PPM1N: variants seen among roughly 807,000 people sequenced by gnomAD.
The protein encoded by PPM1N is protein phosphatase, Mg2+/Mn2+ dependent 1N (putative), also known as probable protein phosphatase 1N.
Under a neutral mutation model 32.6 loss-of-function variants are expected in PPM1N, and 35 were observed. The ratio of observed to expected loss-of-function variants is 1.07; its 90% confidence interval spans 0.82 to 1.43. PPM1N has a LOEUF of 1.43. PPM1N is among the 40% of genes most tolerant of loss of function. The pLI is 0.00. For missense variants in PPM1N, 648 were observed against 606.6 expected, an observed-to-expected ratio of 1.07 and a Z score of -0.72; for synonymous variants, 275 against 270.5, an observed-to-expected ratio of 1.02 and a Z score of -0.16.
chr19:45,499,731 C>T, intron 1 of PPM1N: 1 of 1,539,210 alleles, frequency 6.5e-7, no homozygotes, highest in Non-Finnish European at 8.8e-7. Context: ...AGCAGGTAAA[C>T]ATCAGAGCGG....
Position 45,502,226 on chromosome 19 carries a change from C to A in PPM1N, c.*141C>A. Reference sequence around the variant, plus strand: ...GAACCCAAAATGCTTATTTCTTCTTCTCTTACTTCCCTCTCACAGAAAAGT... The same window carrying A: ...GAACCCAAAATGCTTATTTCTTCTTATCTTACTTCCCTCTCACAGAAAAGT... On this transcript the variant is annotated 3_prime_UTR_variant, in exon 5 of 5. Coordinates refer to ENST00000451287, the MANE Select transcript of PPM1N (RefSeq NM_001080401.2). 2.1e-6 allele frequency: 1 copy of A among 480,914 alleles called. No homozygotes were observed. The allele number at this position is 480,914 out of a possible 1,614,324, so 29.8% of individuals were successfully genotyped here.
chr19:45,501,677 T>A (rs890195707), intron 4 of PPM1N, among the ~76,000 whole-genome samples: 1 of 152,146 alleles, frequency 6.6e-6, no homozygotes, highest in African/African-American at 2.4e-5. Context: ...CGAGTTGGCT[T>A]CATTACCTTT....
In PPM1N at chr19:45,499,101, G is replaced by T. The variant is rs756868017; in HGVS notation, c.629G>T (p.Arg210Leu). The T allele has an allele frequency of 1.8e-4, 278 of 1,514,024 alleles. No individual in the cohort carries two copies. The highest frequency in any genetic ancestry group is 2.2e-4 in the Non-Finnish European group (256 of 1,141,374). 93.8% of individuals were successfully genotyped at this position (1,514,024 alleles called of 1,614,324 possible). A position where few individuals can be genotyped will look rare whatever the true frequency, so the allele number is the denominator to read the frequency against. Reference protein sequence around the residue: ...HRPLRPRERERIHAAGGTIRR... With the variant: ...HRPLRPRERELIHAAGGTIRR... ...CCCCTTCGACCCCGGGAACGCGAGC[G>T]CATCCACGCCGCTGGCGGCACCATC... Residue 210 changes from arginine (R) to leucine (L), a missense_variant, in exon 1 of 5, where the codon CGC becomes CTC. Physicochemically the swap from Arg to Leu is moderately radical, Grantham distance 102 (BLOSUM62 -2). Transcript: ENST00000451287.
intron 4 of PPM1N, 138 bp from the exon 5 acceptor site, chr19:45,501,879 A>C (rs1000306761): frequency 1.2e-5 from 6 of 512,234 alleles, no homozygotes; most frequent in Admixed American, 8.6e-5. Context: ...CTGGGGTCGC[A>C]CTTGGGGTTG....
In PPM1N at chr19:45,502,124, C is replaced by A; in HGVS notation, c.*39C>A. On this transcript the variant is annotated 3_prime_UTR_variant, in exon 5 of 5. Transcript: ENST00000451287. ...TTGGGGATCCTTTGCTTCTCTGGGG[C>A]CTCAACAGAACTAAAGAAGAAAACC... is the stretch of plus-strand genomic sequence containing the variant. 4 of 1,503,980 alleles carry A rather than the reference C, an allele frequency of 2.7e-6. No homozygotes were observed. The highest frequency in any genetic ancestry group is 2.7e-6 in the Non-Finnish European group (3 of 1,091,862). The allele number at this position is 1,503,980 out of a possible 1,614,324, so 93.2% of individuals were successfully genotyped here. A position where few individuals can be genotyped will look rare whatever the true frequency, so the allele number is the denominator to read the frequency against.
At position 45,499,005 on chromosome 19, in the gene PPM1N, C is replaced by A; in HGVS notation, c.533C>A (p.Ala178Glu). The change falls in exon 1 of 5, where the codon GCG becomes GAG. Residue 178 changes from alanine (A) to glutamate (E), a missense_variant. Ala to Glu is a moderately radical substitution (Grantham distance 107, BLOSUM62 -1). Coordinates refer to ENST00000451287, the MANE Select transcript of PPM1N (RefSeq NM_001080401.2). ...LLVSPRFLYLAHCGDSRAVLS... is the reference protein window; with the variant it reads ...LLVSPRFLYLEHCGDSRAVLS... Reference sequence around the variant, plus strand: ...GTCTCCCCGCGGTTTCTGTACCTGGCGCACTGCGGTGACTCCCGCGCGGTG... The same window carrying A: ...GTCTCCCCGCGGTTTCTGTACCTGGAGCACTGCGGTGACTCCCGCGCGGTG... 1 of 1,561,984 alleles carries A rather than the reference C, an allele frequency of 6.4e-7. No individual in the cohort carries two copies. The highest frequency in any genetic ancestry group is 8.6e-7 in the Non-Finnish European group (1 of 1,163,712).
rs749427515 is a variant in PPM1N, at chr19:45,502,153, C to A, written c.*68C>A. On this transcript the variant is annotated 3_prime_UTR_variant, in exon 5 of 5. Transcript: ENST00000451287. The stretch of plus-strand genomic sequence containing the variant: ...AACAGAACTAAAGAAGAAAACCGAC[C>A]CTTTCCCCAACTACATGTACCAGCG... 34 of 1,261,456 alleles carry A rather than the reference C, an allele frequency of 2.7e-5. No homozygotes were observed. The highest frequency in any genetic ancestry group is 1.9e-4 in the African/African-American group (13 of 66,808). 78.1% of individuals were successfully genotyped at this position (1,261,456 alleles called of 1,614,324 possible).
intron 1 of PPM1N, 152 bp from the exon 2 acceptor site, chr19:45,499,796 GT>G: frequency 6.7e-7 from 1 of 1,498,246 alleles, no homozygotes; most frequent in Non-Finnish European, 8.9e-7. Context: ...CTAGGACCGG[GT>G]TTGGTCCCAG....
Position 45,498,778 on chromosome 19 carries a change from C to G in PPM1N, c.306C>G (p.Leu102=). The G allele has an allele frequency of 2.0e-5, 31 of 1,556,064 alleles. No individual in the cohort carries two copies. Among genetic ancestry groups the G allele is most frequent in the Non-Finnish European group, 2.7e-5 (31 of 1,155,868 alleles). Residue 102 remains leucine (L), a synonymous_variant, in exon 1 of 5, where the codon CTC becomes CTG. Coordinates refer to ENST00000451287, the MANE Select transcript of PPM1N (RefSeq NM_001080401.2). ...LPPGWALFAV[L]DGHGGARAAR... is the part of the protein sequence containing the mutation. ...CGGGCTGGGCCTTGTTTGCCGTCCT[C>G]GACGGCCACGGTGGGGCTCGAGCTG...
Position 45,499,269 on chromosome 19 carries a change from A to T in PPM1N, c.797A>T (p.Asp266Val). The T allele has an allele frequency of 6.2e-7, 1 of 1,611,464 alleles. No homozygotes were observed. Among genetic ancestry groups the T allele is most frequent in the South Asian group, 1.1e-5 (1 of 90,944 alleles). Residue 266 changes from aspartate to valine, a missense_variant, in exon 1 of 5, where the codon GAC (aspartate) becomes GTC (valine). Coordinates refer to ENST00000451287, the MANE Select transcript of PPM1N (RefSeq NM_001080401.2). ...GCCGCACTGGCACGCCAGGCTGAGGACGAGTTCATGCTCCTGGCCTCTGAT... is the reference window on the plus strand; with the variant it reads ...GCCGCACTGGCACGCCAGGCTGAGGTCGAGTTCATGCTCCTGGCCTCTGAT... ...EVAALARQAE[D>V]EFMLLASDGV...
Position 45,500,061 on chromosome 19 carries a change from T to A in PPM1N, c.1052T>A (p.Ile351Asn). The A allele has an allele frequency of 1.3e-6, 2 of 1,590,432 alleles. No homozygotes were observed. The highest frequency in any genetic ancestry group is 1.7e-6 in the Non-Finnish European group (2 of 1,167,392). Reference sequence around the variant, plus strand: ...CTGGACGCAGCCCTGGGCTGCAGAATCGCTGGTGAGCAGACTCTGGGGGCC... The same window carrying A: ...CTGGACGCAGCCCTGGGCTGCAGAAACGCTGGTGAGCAGACTCTGGGGGCC... ...LALDAALGCR[I>N]AELCASAQKP... The change falls in exon 2 of 5, where the codon ATC becomes AAC. Residue 351 changes from isoleucine (I) to asparagine (N), a missense_variant. Ile to Asn is a moderately radical substitution (Grantham distance 149). Transcript: ENST00000451287.
At position 45,502,181 on chromosome 19, in the gene PPM1N, A is replaced by C. The variant is rs772682607; in HGVS notation, c.*96A>C. 1 of 960,590 alleles carries C rather than the reference A, an allele frequency of 1.0e-6. No individual in the cohort carries two copies. Among genetic ancestry groups the C allele is most frequent in the South Asian group, 1.4e-5 (1 of 69,048 alleles). The allele number at this position is 960,590 out of a possible 1,614,324, so 59.5% of individuals were successfully genotyped here. The stretch of plus-strand genomic sequence containing the variant: ...TTCCCCAACTACATGTACCAGCGGA[A>C]GGAAGGAAGGCCAATGTAGGAACCC... On this transcript the variant is annotated 3_prime_UTR_variant, in exon 5 of 5. Transcript: ENST00000451287.
At chr19:45,500,099 T>C (rs1751370219) in intron 2 of PPM1N, 33 bp downstream of exon 2, 1 of 1,554,588 alleles carries the variant, frequency 6.4e-7, no homozygotes, top group Non-Finnish European at 8.7e-7. Flanking sequence ...GCTGGAGGGG[T>C]GGTTGGCCAG....
In PPM1N at chr19:45,500,557, T is replaced by C. The variant is rs1156267927; in HGVS notation, c.1159T>C (p.Cys387Arg). 6 of 1,603,812 alleles carry C rather than the reference T, an allele frequency of 3.7e-6. No individual in the cohort carries two copies. The highest frequency in any genetic ancestry group is 5.1e-6 in the Non-Finnish European group (6 of 1,173,952). ...TTTACCTCCTGGGGGAGGGCTGGACTGCAAGTGAGTTGGGGTGAGGAAGGG... is the reference window on the plus strand; with the variant it reads ...TTTACCTCCTGGGGGAGGGCTGGACCGCAAGTGAGTTGGGGTGAGGAAGGG... ...PDLPPGGGLD[C>R]KATVIAEVYS... The change falls in exon 3 of 5, where the codon TGC (cysteine) becomes CGC (arginine). Residue 387 changes from cysteine (C) to arginine (R), a missense_variant. Coordinates refer to ENST00000451287, the MANE Select transcript of PPM1N (RefSeq NM_001080401.2).
At position 45,498,801 on chromosome 19, in the gene PPM1N, C is replaced by G. The variant is rs767600394; in HGVS notation, c.329C>G (p.Ala110Gly). The stretch of plus-strand genomic sequence containing the variant: ...CTCGACGGCCACGGTGGGGCTCGAG[C>G]TGCCCGCTTCGGTGCACGCCATTTG... ...AVLDGHGGAR[A>G]ARFGARHLPG... Residue 110 changes from alanine (A) to glycine (G), a missense_variant, in exon 1 of 5, where the codon GCT becomes GGT. By Grantham distance (60) the Ala-to-Gly change is moderately conservative. Transcript: ENST00000451287. 1.9e-6 allele frequency: 3 copies of G among 1,549,076 alleles called. No homozygotes were observed. Among genetic ancestry groups the G allele is most frequent in the South Asian group, 2.4e-5 (2 of 83,400 alleles).
At position 45,499,939 on chromosome 19, in the gene PPM1N, C is replaced by G. The variant is rs1418497966; in HGVS notation, c.940-10C>G. ...CCCCCACCGGGCTCCTTTTTCTCCA[C>G]CGGCTTCAGGGCAGCCTGGACAACA... is the stretch of plus-strand genomic sequence containing the variant. On this transcript the variant is annotated splice_polypyrimidine_tract_variant and intron_variant, in intron 1 of 4. Transcript: ENST00000451287. 2 of 1,564,744 alleles carry G rather than the reference C, an allele frequency of 1.3e-6. No individual in the cohort carries two copies. Among genetic ancestry groups the G allele is most frequent in the African/African-American group, 1.4e-5 (1 of 73,608 alleles).
chr19:45,499,387 GCTGT>G lies in PPM1N; in HGVS notation c.916_919del (p.Leu306TrpfsTer13). The G allele has an allele frequency of 6.2e-7, 1 of 1,606,444 alleles. No individual in the cohort carries two copies. The highest frequency in any genetic ancestry group is 1.3e-5 in the African/African-American group (1 of 74,878). On this transcript the variant is annotated frameshift_variant, in exon 1 of 5. Coordinates refer to ENST00000451287, the MANE Select transcript of PPM1N (RefSeq NM_001080401.2). LOFTEE classifies it high-confidence loss of function. ...TGGCCCCAGAGCTTCTCTGCGCGCA[GCTGT>G]TGGACACGTGTCTGTGCAAGGTCCT... is the stretch of plus-strand genomic sequence containing the variant.
At position 45,502,343 on chromosome 19, in the gene PPM1N, C is replaced by G. The variant is rs1041879306; in HGVS notation, c.*258C>G. The G allele has an allele frequency of 1.4e-5, 7 of 489,050 alleles. 2 individuals carry two copies. The South Asian group carries it at 1.7e-4, about 12-fold the overall frequency. The allele number at this position is 489,050 out of a possible 1,614,324, so 30.3% of individuals were successfully genotyped here. On this transcript the variant is annotated 3_prime_UTR_variant, in exon 5 of 5. Coordinates refer to ENST00000451287, the MANE Select transcript of PPM1N (RefSeq NM_001080401.2). ...AAAAAAAAAAAAAAAAACAAAAAAA[C>G]CCAACCAAATGTTTTTGAAATATTC...
At chr19:45,500,814 C>A in intron 4 of PPM1N, 104 bp downstream of exon 4, 1 of 807,060 alleles carries the variant, frequency 1.2e-6, no homozygotes. Flanking sequence ...AAGGGATTTG[C>A]CTGATATATT....
Sources: gnomAD v4.1 joint callset for allele counts (sites outside exome capture counted in the v4.1 genomes callset) on GRCh38, gnomAD v4.1.1 for gene constraint, MANE v1.5 for transcripts, NCBI Gene and HGNC (gene_info 2026-07-23, HGNC 2026-07-21) for gene names.